GRIA4: variants seen among roughly 807,000 people sequenced by gnomAD.
GRIA4 encodes glutamate ionotropic receptor AMPA type subunit 4, also known as glutamate receptor 4.
In GRIA4, 34 loss-of-function variants were observed where a neutral mutation model predicts 104.0. The observed-to-expected ratio is 0.33, with a 90% CI of 0.25 to 0.44. The LOEUF is 0.44. Ranked by LOEUF, GRIA4 falls within the 20% of genes least tolerant of loss-of-function variation. GRIA4 has a pLI of 1.00. For missense variants in GRIA4, 750 were observed against 1,096.5 expected (o/e 0.68, Z 4.46); for synonymous variants, 386 against 381.9 (o/e 1.01, Z -0.13).
At chr11:105,975,636 T>C (rs1858943011) in intron 16 of GRIA4, among the ~76,000 whole-genome samples, 1 of 152,118 alleles carries the variant, frequency 6.6e-6, no homozygotes, top group Non-Finnish European at 1.5e-5. Flanking sequence ...TCAGTTTCAT[T>C]ACAATGATAA....
intron 7 of GRIA4, among the ~76,000 whole-genome samples, chr11:105,899,260 T>C (rs750649574): frequency 1.3e-5 from 2 of 152,228 alleles, no homozygotes; most frequent in Non-Finnish European, 2.9e-5. Flanking sequence ...CAGCTCAGCA[T>C]ACCATCTTCA....
intron 4 of GRIA4, among the ~76,000 whole-genome samples, chr11:105,850,295 A>G (rs1364565568): frequency 6.6e-6 from 1 of 152,222 alleles, no homozygotes; most frequent in Admixed American, 6.5e-5. Context: ...TAATTAAAAT[A>G]TAAGTACTTT....
chr11:105,755,840 G>A (rs980198351), intron 4 of GRIA4, among the ~76,000 whole-genome samples: 3 of 152,200 alleles, frequency 2.0e-5, no homozygotes, highest in South Asian at 2.1e-4. Context: ...CTTGGACATC[G>A]GTGGTCTTGA....
At chr11:105,883,589 G>A (rs917339683) in intron 5 of GRIA4, among the ~76,000 whole-genome samples, 10 of 152,066 alleles carry the variant, frequency 6.6e-5, no homozygotes, top group African/African-American at 1.4e-4. Context: ...ATCCATGTCC[G>A]TGCAAAGGAC....
intron 4 of GRIA4, among the ~76,000 whole-genome samples, chr11:105,765,171 C>T (rs558408629): frequency 2.3e-4 from 35 of 152,236 alleles, no homozygotes; most frequent in African/African-American, 8.2e-4. Context: ...AGCAGCCCAA[C>T]TTAGCAAAAG....
chr11:105,750,159 TA>T (rs1939916421), intron 3 of GRIA4, among the ~76,000 whole-genome samples: 1 of 152,116 alleles, frequency 6.6e-6, no homozygotes, highest in African/African-American at 2.4e-5. Flanking sequence ...AAAGCTATAT[TA>T]TAATACTATA....
chr11:105,765,886 T>C (rs896128447), intron 4 of GRIA4, among the ~76,000 whole-genome samples: 11 of 152,210 alleles, frequency 7.2e-5, no homozygotes, highest in African/African-American at 2.7e-4. Context: ...AAATGATTAC[T>C]TCAATAGAAT....
intron 4 of GRIA4, among the ~76,000 whole-genome samples, chr11:105,814,664 G>A (rs1435493731): frequency 6.6e-6 from 1 of 152,030 alleles, no homozygotes; most frequent in Non-Finnish European, 1.5e-5. Flanking sequence ...CATTTTAAGT[G>A]TATACAGAAA....
At chr11:105,670,228 C>T (rs775860161) in intron 3 of GRIA4, among the ~76,000 whole-genome samples, 8 of 152,062 alleles carry the variant, frequency 5.3e-5, no homozygotes. Flanking sequence ...ATATACAGTA[C>T]ATAAAATCTT....
chr11:105,621,209 A>G (rs1950736300), intron 3 of GRIA4, among the ~76,000 whole-genome samples: 1 of 151,762 alleles, frequency 6.6e-6, no homozygotes, highest in African/African-American at 2.4e-5. Flanking sequence ...AAATGAGCAG[A>G]CTTTAAATAT....
intron 5 of GRIA4, among the ~76,000 whole-genome samples, chr11:105,882,395 A>G (rs1323080405): frequency 6.6e-6 from 1 of 152,204 alleles, no homozygotes; most frequent in South Asian, 2.1e-4. Context: ...AGCAACTTTT[A>G]TAGAAGGACT....
intron 3 of GRIA4, among the ~76,000 whole-genome samples, chr11:105,730,043 G>C (rs1938488147): frequency 6.6e-6 from 1 of 152,152 alleles, no homozygotes; most frequent in Admixed American, 6.5e-5. Context: ...AATCAGGCAA[G>C]AGAAAGAAAT....
intron 3 of GRIA4, among the ~76,000 whole-genome samples, chr11:105,635,645 C>T (rs954371789): frequency 6.6e-5 from 10 of 152,142 alleles, no homozygotes; most frequent in Non-Finnish European, 1.2e-4. Flanking sequence ...CCCGCCTGCC[C>T]GAGCTGTGGC....
chr11:105,676,861 C>T (rs188606865), intron 3 of GRIA4, among the ~76,000 whole-genome samples: 37 of 151,720 alleles, frequency 2.4e-4, no homozygotes, highest in Middle Eastern at 3.4e-3. Context: ...TTATTGAGTC[C>T]GTACATAATC....
intron 14 of GRIA4, among the ~76,000 whole-genome samples, chr11:105,956,358 G>A (rs188058878): frequency 1.3e-5 from 2 of 152,228 alleles, no homozygotes; most frequent in East Asian, 3.9e-4. Context: ...AACATGTGGT[G>A]TTTGGTTTTC....
At chr11:105,688,156 C>CTATCTATCTA (rs373564678) in intron 3 of GRIA4, among the ~76,000 whole-genome samples, 412 of 72,734 alleles carry the variant, frequency 5.7e-3, no homozygotes, top group Middle Eastern at 6.7e-3. Flanking sequence ...ATATCTATAT[C>CTATCTATCTA]TCTATCTATC....
chr11:105,648,511 A>G (rs964971582), intron 3 of GRIA4, among the ~76,000 whole-genome samples: 2 of 151,592 alleles, frequency 1.3e-5, no homozygotes, highest in African/African-American at 4.8e-5. Context: ...TGCCTCAAAG[A>G]GTTTAAAGAT....
chr11:105,810,669 C>A (rs1379450442), intron 4 of GRIA4, among the ~76,000 whole-genome samples: 1 of 151,954 alleles, frequency 6.6e-6, no homozygotes, highest in Non-Finnish European at 1.5e-5. Flanking sequence ...TATACCTGAC[C>A]CCGACCTTCC....
At chr11:105,753,725 C>A (rs1940141826) in intron 4 of GRIA4, among the ~76,000 whole-genome samples, 1 of 152,138 alleles carries the variant, frequency 6.6e-6, no homozygotes, top group African/African-American at 2.4e-5. Flanking sequence ...AATTGGGGTT[C>A]CCGTGACCCT....
Sources: allele counts gnomAD v4.1 joint callset (sites outside exome capture counted in the v4.1 genomes callset), GRCh38; gene constraint gnomAD v4.1.1; transcripts MANE v1.5; gene names NCBI Gene and HGNC (gene_info 2026-07-23, HGNC 2026-07-21).